TBCD: variants seen among roughly 807,000 people sequenced by gnomAD.
TBCD encodes the protein tubulin-specific chaperone D.
In TBCD, 105 loss-of-function variants were observed where a neutral mutation model predicts 169.3. The ratio of observed to expected loss-of-function variants is 0.62; its 90% CI spans 0.53 to 0.73. TBCD has a LOEUF of 0.73. TBCD is among the 30% of genes least tolerant of loss of function. The probability of loss-of-function intolerance (pLI) is 0.00; values close to 1 mark genes in which losing one functional copy is unlikely to be tolerated. For missense variants in TBCD, 1,444 were observed against 1,600.1 expected (o/e 0.90, Z 1.66); for synonymous variants, 700 against 643.9 (o/e 1.09, Z -1.32).
At chr17:82,850,818 A>T (rs2055729786) in intron 13 of TBCD, among the ~76,000 whole-genome samples, 1 of 152,254 alleles carries the variant, frequency 6.6e-6, no homozygotes, top group Non-Finnish European at 1.5e-5. Context: ...AAAGCTGAAA[A>T]GCAAAAGTTA....
rs567944145 is a variant in TBCD, at chr17:82,915,876, TC to T, written c.2038+4089del. Among the ~76,000 whole-genome samples the T allele has an allele frequency of 8.1e-4, 123 of 152,288 alleles. No homozygotes were observed. The highest frequency in any genetic ancestry group is 2.5e-3 in the African/African-American group (105 of 41,572). ...GCCGGGGACACGCTGTTAATGGACT[TC>T]CTGCTGTGGGGGTGAGGGCTCCGTG... On this transcript the variant is annotated intron_variant, in intron 23 of 38. Transcript: ENST00000355528. The surrounding 1 kb of genome is among the most constrained non-coding windows in gnomAD (Gnocchi z 4.3).
chr17:82,909,053 C>A (rs1475583526), intron 21 of TBCD, among the ~76,000 whole-genome samples: 2 of 152,222 alleles, frequency 1.3e-5, no homozygotes, highest in African/African-American at 4.8e-5. Flanking sequence ...CCTCTCCTCC[C>A]TCTCTCTGTG....
At chr17:82,765,549 G>T (rs576633402) in intron 3 of TBCD, among the ~76,000 whole-genome samples, 1 of 152,312 alleles carries the variant, frequency 6.6e-6, no homozygotes, top group South Asian at 2.1e-4. Context: ...GCGCATTTCT[G>T]TTGTCTGGCG....
At chr17:82,820,087 T>G (rs907449607) in intron 13 of TBCD, among the ~76,000 whole-genome samples, 10 of 152,118 alleles carry the variant, frequency 6.6e-5, no homozygotes, top group African/African-American at 2.4e-4. Context: ...CAAGTGATTC[T>G]CATGACTCAG....
At chr17:82,784,576 G>A (rs2144357826) in intron 7 of TBCD, among the ~76,000 whole-genome samples, 1 of 152,278 alleles carries the variant, frequency 6.6e-6, no homozygotes, top group Admixed American at 6.5e-5. Flanking sequence ...TAAAGGTGGT[G>A]GATTTAGTTG....
rs143250235 is a variant in TBCD, at chr17:82,920,427, AG to A, written c.2039-126del. ...CTGGGATGTTTCCAGCCCTGGCAGC[AG>A]GGTAGGTTGGGCGGGTGAGGGGCAG... On this transcript the variant is annotated intron_variant, in intron 23 of 38. Coordinates refer to ENST00000355528, the MANE Select transcript of TBCD (RefSeq NM_005993.5). The surrounding 1 kb of genome is among the most constrained non-coding windows in gnomAD (Gnocchi z 4.1). 13,192 of 742,284 alleles carry A rather than the reference AG, an allele frequency of 0.018. 152 individuals are homozygous for A. Among genetic ancestry groups the A allele is most frequent in the Non-Finnish European group, 0.024 (10,737 of 446,880 alleles). The allele number at this position is 742,284 out of a possible 1,614,324, so 46.0% of individuals were successfully genotyped here. A position where few individuals can be genotyped will look rare whatever the true frequency, so the allele number is the denominator to read the frequency against.
chr17:82,784,066 G>A (rs2049131544), intron 7 of TBCD, among the ~76,000 whole-genome samples: 1 of 151,958 alleles, frequency 6.6e-6, no homozygotes, highest in Admixed American at 6.6e-5. Context: ...CGGAGGTTGA[G>A]TGAGCCGAGA....
chr17:82,937,282 C>T lies in TBCD; in HGVS notation c.3203C>T (p.Ala1068Val). ...IFTTEEDHPF[A>V]VKLLALCKKE... ...TGTTGTTCTTCCAGCCACCCCTTTG[C>T]TGTGAAGTTGCTTGCGCTCTGTAAG... The change falls in exon 35 of 39, where the codon GCT becomes GTT. Residue 1068 changes from alanine (A) to valine (V), a missense_variant. Transcript: ENST00000355528. 1 of 1,614,010 alleles carries T rather than the reference C, an allele frequency of 6.2e-7. No homozygotes were observed. Among genetic ancestry groups the T allele is most frequent in the Non-Finnish European group, 8.5e-7 (1 of 1,179,854 alleles).
intron 15 of TBCD, among the ~76,000 whole-genome samples, chr17:82,887,168 T>TGTGTGTGTGTGTGC: frequency 1.8e-3 from 224 of 126,172 alleles, no homozygotes; most frequent in African/African-American, 6.4e-3. Context: ...TGTGTGTGTG[T>TGTGTGTGTGTGTGC]GCGCGCGCGC....
chr17:82,940,390 G>A (rs987782119), intron 37 of TBCD, among the ~76,000 whole-genome samples: 4 of 152,296 alleles, frequency 2.6e-5, no homozygotes, highest in South Asian at 2.1e-4. Flanking sequence ...TTTGAGTGCC[G>A]ACTGTGAGGG....
chr17:82,822,916 A>G (rs1419692995), intron 13 of TBCD, among the ~76,000 whole-genome samples: 3 of 152,160 alleles, frequency 2.0e-5, no homozygotes, highest in Non-Finnish European at 4.4e-5. Context: ...GAAAAGCTTG[A>G]ACCGGGTTCC....
chr17:82,926,928 G>A, intron 28 of TBCD: 2 of 556,260 alleles, frequency 3.6e-6, no homozygotes, highest in South Asian at 2.1e-5. Flanking sequence ...CTCTAGTCAG[G>A]GTGGGAAGTG....
At chr17:82,905,054 C>T (rs2060139609) in intron 19 of TBCD, among the ~76,000 whole-genome samples, 1 of 152,210 alleles carries the variant, frequency 6.6e-6, no homozygotes, top group Non-Finnish European at 1.5e-5. Context: ...AGCTTGGTTT[C>T]CCCACGCAGG....
intron 13 of TBCD, among the ~76,000 whole-genome samples, chr17:82,828,842 T>C (rs2053200994): frequency 7.0e-6 from 1 of 142,038 alleles, no homozygotes; most frequent in African/African-American, 2.7e-5. Flanking sequence ...TAATCAGATG[T>C]GTACACCCCT....
At position 82,866,701 on chromosome 17, in the gene TBCD, C is replaced by T. The variant is rs369498928; in HGVS notation, c.1319-3523C>T. 3.4e-5 allele frequency among the ~76,000 whole-genome samples: 5 copies of T among 144,960 alleles called. No individual in the cohort carries two copies. In the East Asian group the frequency reaches 9.6e-4, roughly 28 times the overall value. On this transcript the variant is annotated intron_variant, in intron 13 of 38. Coordinates refer to ENST00000355528, the MANE Select transcript of TBCD (RefSeq NM_005993.5). The stretch of plus-strand genomic sequence containing the variant: ...AGCACTGCCACCTGGGCAGAGGCCC[C>T]AGAGGCCCCAGAGGCCGAGGCAGGC...
At chr17:82,838,860 C>T (rs1002764059) in intron 13 of TBCD, 15 of 985,326 alleles carry the variant, frequency 1.5e-5, no homozygotes, top group Non-Finnish European at 2.4e-6. Flanking sequence ...CACCACTTTA[C>T]AGTCGCCGCC....
chr17:82,860,518 C>G (rs1325528426), intron 13 of TBCD: 22 of 862,854 alleles, frequency 2.5e-5, no homozygotes, highest in Non-Finnish European at 2.8e-5. Flanking sequence ...ACAGCAATTA[C>G]TTGGGATTGC....
At chr17:82,867,960 C>T (rs986806506) in intron 13 of TBCD, among the ~76,000 whole-genome samples, 5 of 152,104 alleles carry the variant, frequency 3.3e-5, no homozygotes, top group Admixed American at 6.6e-5. Context: ...CCGGGAGGTG[C>T]TTTGCGGGAG....
intron 17 of TBCD, among the ~76,000 whole-genome samples, chr17:82,896,463 T>TG (rs1385000417): frequency 5.9e-5 from 7 of 119,420 alleles, no homozygotes; most frequent in African/African-American, 1.6e-4. Flanking sequence ...GTTTTTTTTT[T>TG]TTTTTTTTTT....
Sources: allele counts gnomAD v4.1 joint callset (sites outside exome capture counted in the v4.1 genomes callset), GRCh38; gene constraint gnomAD v4.1.1; non-coding constraint Gnocchi (gnomAD v3.1); transcripts MANE v1.5; gene names NCBI Gene and HGNC (gene_info 2026-07-23, HGNC 2026-07-21).